The following FLRT2 variants were observed in gnomAD, a reference collection of about 807,000 sequenced individuals.
The protein encoded by FLRT2 is fibronectin leucine rich transmembrane protein 2.
A neutral mutation model predicts 40.0 loss-of-function variants in FLRT2; 15 were observed. That is an observed-to-expected ratio of 0.38 (90% confidence interval 0.25 to 0.58). The LOEUF is 0.58. FLRT2 is among the 20% of genes least tolerant of loss of function. The pLI is 0.71. For missense variants in FLRT2, 726 were observed against 840.0 expected, an observed-to-expected ratio of 0.86 and a Z score of 1.68; for synonymous variants, 380 against 336.8, an observed-to-expected ratio of 1.13 and a Z score of -1.41.
chr14:85,610,368 T>C (rs971871671), intron 1 of FLRT2, among the ~76,000 whole-genome samples: 2 of 152,188 alleles, frequency 1.3e-5, no homozygotes, highest in Non-Finnish European at 2.9e-5. Flanking sequence ...TACTTCATCA[T>C]TACTTCTCAA....
chr14:85,572,651 A>G (rs1394327303), intron 1 of FLRT2, among the ~76,000 whole-genome samples: 1 of 152,208 alleles, frequency 6.6e-6, no homozygotes, highest in African/African-American at 2.4e-5. Context: ...TTTGTGCTTT[A>G]GTCCCTGTAA....
chr14:85,567,328 A>C (rs1890669870), intron 1 of FLRT2, among the ~76,000 whole-genome samples: 1 of 152,134 alleles, frequency 6.6e-6, no homozygotes, highest in African/African-American at 2.4e-5. Context: ...TTCCTTCGGC[A>C]TCTTCCTTTA....
chr14:85,592,355 A>C (rs2139318541), intron 1 of FLRT2, among the ~76,000 whole-genome samples: 1 of 152,248 alleles, frequency 6.6e-6, no homozygotes, highest in Admixed American at 6.5e-5. Flanking sequence ...GGTAAATGGG[A>C]ACCTCCACTC....
At chr14:85,589,222 C>T (rs1398519782) in intron 1 of FLRT2, among the ~76,000 whole-genome samples, 1 of 152,180 alleles carries the variant, frequency 6.6e-6, no homozygotes, top group Non-Finnish European at 1.5e-5. Context: ...AACCTGCATT[C>T]CCACCAGCAG....
intron 1 of FLRT2, among the ~76,000 whole-genome samples, chr14:85,577,620 C>T (rs573498649): frequency 1.3e-5 from 2 of 151,904 alleles, no homozygotes; most frequent in Non-Finnish European, 2.9e-5. Flanking sequence ...AGGGTCTCAC[C>T]GTGTTGCCCA....
At position 85,641,489 on chromosome 14, in the gene FLRT2, T is replaced by C. The variant is rs1594977555; in HGVS notation, c.*17992T>C. 6.6e-6 allele frequency: 1 copy of C among 152,250 alleles called. No individual in the cohort carries two copies. The highest frequency in any genetic ancestry group is 1.9e-4 in the East Asian group (1 of 5,194). The allele number at this position is 152,250 out of a possible 1,614,324, so 9.4% of individuals were successfully genotyped here. On this transcript the variant is annotated 3_prime_UTR_variant, in exon 2 of 2. Transcript: ENST00000330753. ...TTTAGTGTCTGGTCACTATCTTCAG[T>C]GGAGTCAGGTGATGTGAATAGCAGC...
rs113244712 is a variant in FLRT2, at chr14:85,541,148, T to A, written c.-377+10614T>A. Among the ~76,000 whole-genome samples, 585 of 152,282 alleles carry A rather than the reference T, an allele frequency of 3.8e-3. 4 individuals carry two copies. Among genetic ancestry groups the A allele is most frequent in the African/African-American group, 0.014 (566 of 41,576 alleles). On this transcript the variant is annotated intron_variant, in intron 1 of 1. Transcript: ENST00000330753. Reference sequence around the variant, plus strand: ...TTCCAAATAGGTCTTAGGGAAACTGTAAATGAAGAAAAGTACAAAATGCAA... The same window carrying A: ...TTCCAAATAGGTCTTAGGGAAACTGAAAATGAAGAAAAGTACAAAATGCAA...
At chr14:85,591,234 A>T (rs1891870945) in intron 1 of FLRT2, among the ~76,000 whole-genome samples, 1 of 152,208 alleles carries the variant, frequency 6.6e-6, no homozygotes, top group Non-Finnish European at 1.5e-5. Context: ...TCAGCCATCA[A>T]TCAATATTTA....
chr14:85,618,563 T>C (rs1275909936), intron 1 of FLRT2, among the ~76,000 whole-genome samples: 1 of 152,160 alleles, frequency 6.6e-6, no homozygotes, highest in African/African-American at 2.4e-5. Flanking sequence ...TAAGGCCAAG[T>C]GTCGTACATA....
chr14:85,571,199 T>C (rs951829669), intron 1 of FLRT2, among the ~76,000 whole-genome samples: 15 of 152,172 alleles, frequency 9.9e-5, no homozygotes, highest in African/African-American at 3.6e-4. Flanking sequence ...TAGAAAACGA[T>C]GTCATCTTAA....
chr14:85,573,621 T>C (rs563126932), intron 1 of FLRT2, among the ~76,000 whole-genome samples: 1 of 152,242 alleles, frequency 6.6e-6, no homozygotes, highest in South Asian at 2.1e-4. Flanking sequence ...AGACACAGGA[T>C]GTGAGGAGGA....
At chr14:85,584,146 T>C (rs1891514611) in intron 1 of FLRT2, among the ~76,000 whole-genome samples, 1 of 152,208 alleles carries the variant, frequency 6.6e-6, no homozygotes, top group Non-Finnish European at 1.5e-5. Context: ...TAAATTGCTC[T>C]ATTGTTTTAA....
chr14:85,566,053 C>T (rs972428904), intron 1 of FLRT2, among the ~76,000 whole-genome samples: 1 of 152,132 alleles, frequency 6.6e-6, no homozygotes, highest in Admixed American at 6.5e-5. Context: ...AGTCTTTGTC[C>T]TCTGCCAAAT....
chr14:85,565,088 A>G (rs549910263), intron 1 of FLRT2, among the ~76,000 whole-genome samples: 81 of 152,314 alleles, frequency 5.3e-4, no homozygotes, highest in African/African-American at 1.9e-3. Flanking sequence ...TTTAAACCAG[A>G]TTTCCATTTT....
At chr14:85,539,388 A>G (rs1888852330) in intron 1 of FLRT2, among the ~76,000 whole-genome samples, 1 of 147,072 alleles carries the variant, frequency 6.8e-6, no homozygotes, top group South Asian at 2.2e-4. Context: ...GTAAAAAAAA[A>G]TCACAAGCCT....
At chr14:85,585,180 A>G (rs1891562489) in intron 1 of FLRT2, among the ~76,000 whole-genome samples, 1 of 152,160 alleles carries the variant, frequency 6.6e-6, no homozygotes, top group African/African-American at 2.4e-5. Context: ...ATGCATGTCC[A>G]GTCATCTGTC....
At chr14:85,598,341 G>A (rs1156424994) in intron 1 of FLRT2, among the ~76,000 whole-genome samples, 1 of 152,214 alleles carries the variant, frequency 6.6e-6, no homozygotes, top group Non-Finnish European at 1.5e-5. Flanking sequence ...AAAAGGGAAT[G>A]ATGGAGTGGG....
chr14:85,581,560 G>T (rs997248999), intron 1 of FLRT2, among the ~76,000 whole-genome samples: 1 of 152,180 alleles, frequency 6.6e-6, no homozygotes, highest in East Asian at 1.9e-4. Context: ...ACAAGTAAAA[G>T]AATATTAATG....
At position 85,622,711 on chromosome 14, in the gene FLRT2, T is replaced by C. The variant is rs1595097955; in HGVS notation, c.1197T>C (p.Thr399=). 1 of 1,613,844 alleles carries C rather than the reference T, an allele frequency of 6.2e-7. No individual in the cohort carries two copies. The highest frequency in any genetic ancestry group is 8.5e-7 in the Non-Finnish European group (1 of 1,179,984). ...CTAGCAGAAGCTACACGCCTCCAAC[T>C]CCTACCACATCGAAACTTCCCACGA... ...PNPSRSYTPP[T]PTTSKLPTIP... The change falls in exon 2 of 2, where the codon ACT becomes ACC. Residue 399 remains threonine, a synonymous_variant. Coordinates refer to ENST00000330753, the MANE Select transcript of FLRT2 (RefSeq NM_013231.6).
Sources: gnomAD v4.1 joint callset for allele counts (sites outside exome capture counted in the v4.1 genomes callset) on GRCh38, gnomAD v4.1.1 for gene constraint, MANE v1.5 for transcripts, NCBI Gene and HGNC (gene_info 2026-07-23, HGNC 2026-07-21) for gene names.